Variants in SPMIP8 observed in about 807,000 individuals in gnomAD.
SPMIP8 encodes the protein sperm microtubule inner protein 8.
chr16:57,979,800 G>A, the SPMIP8 span, among the ~76,000 whole-genome samples: 1 of 152,308 alleles, frequency 6.6e-6, no homozygotes, highest in African/African-American at 2.4e-5. Flanking sequence ...GGGTACGGTG[G>A]CTCACACCCA....
At chr16:57,986,036 GC>G in the SPMIP8 span, 1 of 1,458,562 alleles carries the variant, frequency 6.9e-7, no homozygotes. Flanking sequence ...AAACCCCCCT[GC>G]CCCAGCGAGG....
At chr16:57,984,413 C>T in the SPMIP8 span, 6 of 1,587,954 alleles carry the variant, frequency 3.8e-6, no homozygotes, top group Non-Finnish European at 5.2e-6. Flanking sequence ...GCACCAGCCC[C>T]AAGCACCTCT....
the SPMIP8 span, among the ~76,000 whole-genome samples, chr16:57,985,699 G>C: frequency 2.6e-5 from 4 of 152,176 alleles, no homozygotes; most frequent in African/African-American, 7.2e-5. Context: ...AATTTCAAAT[G>C]AATACATGTG....
chr16:57,985,685 T>G, the SPMIP8 span: 3 of 1,280,426 alleles, frequency 2.3e-6, no homozygotes, highest in Non-Finnish European at 2.1e-6. Context: ...CAGAAACAAA[T>G]TGCAATTTCA....
the SPMIP8 span, among the ~76,000 whole-genome samples, chr16:57,981,427 T>C: frequency 1.4e-5 from 2 of 142,158 alleles, no homozygotes; most frequent in East Asian, 4.0e-4. Flanking sequence ...ATTATTATTA[T>C]TATTATAATT....
At chr16:57,980,212 TA>T in the SPMIP8 span, among the ~76,000 whole-genome samples, 1 of 152,194 alleles carries the variant, frequency 6.6e-6, no homozygotes, top group Non-Finnish European at 1.5e-5. Context: ...AGGGGTTGGG[TA>T]AGAGCTTTAT....
At chr16:57,977,800 C>A in the SPMIP8 span, 1 of 1,607,038 alleles carries the variant, frequency 6.2e-7, no homozygotes, top group Non-Finnish European at 8.5e-7. Context: ...CCCCTTAGAA[C>A]CCTCTGCCCC....
chr16:57,980,130 G>A, the SPMIP8 span, among the ~76,000 whole-genome samples: 2 of 152,336 alleles, frequency 1.3e-5, no homozygotes, highest in African/African-American at 4.8e-5. Context: ...GGTTATAGCT[G>A]CCAGGTGGCC....
chr16:57,985,772 G>T, the SPMIP8 span: 1 of 1,255,604 alleles, frequency 8.0e-7, no homozygotes, highest in Non-Finnish European at 1.1e-6. Context: ...GAGTGGAGGC[G>T]TTCGCATTGG....
chr16:57,983,211 G>A, the SPMIP8 span, among the ~76,000 whole-genome samples: 4 of 152,016 alleles, frequency 2.6e-5, no homozygotes, highest in Non-Finnish European at 5.9e-5. Context: ...TTAAACTCCT[G>A]GGCTCAAGCA....
At chr16:57,982,501 A>G in the SPMIP8 span, among the ~76,000 whole-genome samples, 2 of 152,152 alleles carry the variant, frequency 1.3e-5, no homozygotes, top group Non-Finnish European at 2.9e-5. Flanking sequence ...TTATCTTGTT[A>G]ATCTATTTTC....
the SPMIP8 span, chr16:57,985,041 G>A: frequency 9.2e-7 from 1 of 1,088,730 alleles, no homozygotes; most frequent in Non-Finnish European, 1.3e-6. Flanking sequence ...TCGGGCCGGG[G>A]GCTTTGCCCT....
the SPMIP8 span, among the ~76,000 whole-genome samples, chr16:57,980,858 C>T: frequency 6.6e-6 from 1 of 152,066 alleles, no homozygotes; most frequent in South Asian, 2.1e-4. Context: ...CTATGCCAGG[C>T]TATTTTTGTT....
the SPMIP8 span, chr16:57,977,889 C>T: frequency 2.5e-6 from 4 of 1,614,084 alleles, no homozygotes; most frequent in African/African-American, 5.3e-5. Flanking sequence ...GGCCATCCTG[C>T]TTCCCATGGA....
At chr16:57,985,881 C>T in the SPMIP8 span, 1 of 1,599,004 alleles carries the variant, frequency 6.3e-7, no homozygotes, top group Non-Finnish European at 8.5e-7. Context: ...CTTCCCATCT[C>T]GTGCTCACCC....
the SPMIP8 span, chr16:57,984,463 T>G: frequency 2.6e-6 from 4 of 1,540,342 alleles, no homozygotes; most frequent in East Asian, 6.8e-5. Context: ...CTCAGGTGCC[T>G]GCTTGGGACT....
the SPMIP8 span, chr16:57,985,188 G>A: frequency 6.6e-7 from 1 of 1,509,942 alleles, no homozygotes; most frequent in South Asian, 1.3e-5. Flanking sequence ...GCGCTCGAGA[G>A]GGGCTTTCTG....
chr16:57,985,961 C>T, the SPMIP8 span: 1 of 1,601,620 alleles, frequency 6.2e-7, no homozygotes, highest in Non-Finnish European at 8.5e-7. Context: ...CGGTCCTGTC[C>T]CGCCCCACAG....
At chr16:57,978,069 G>A in the SPMIP8 span, 1 of 1,594,114 alleles carries the variant, frequency 6.3e-7, no homozygotes, top group Non-Finnish European at 8.6e-7. Flanking sequence ...ATCCCCTTTG[G>A]GGAAGGGGCA....
Sources: allele counts gnomAD v4.1 joint callset (sites outside exome capture counted in the v4.1 genomes callset), GRCh38; gene constraint gnomAD v4.1.1; transcripts MANE v1.5; gene names NCBI Gene and HGNC (gene_info 2026-07-23, HGNC 2026-07-21).